The following POLR1D variants were observed in gnomAD, a reference collection of about 807,000 sequenced individuals.
The protein encoded by POLR1D is DNA-directed RNA polymerases I and III subunit RPAC2.
A neutral mutation model predicts 10.8 loss-of-function variants in POLR1D; 8 were observed. The observed-to-expected ratio is 0.74, with a 90% CI of 0.43 to 1.33. The LOEUF is 1.33. Ranked by LOEUF, POLR1D falls within the 40% of genes most tolerant of loss-of-function variation. POLR1D has a pLI of 0.01. For missense variants in POLR1D, 152 were observed against 161.7 expected (o/e 0.94, Z 0.32); for synonymous variants, 54 against 57.2 (o/e 0.94, Z 0.25).
chr13:27,637,651 T>C (rs1274767316), intron 1 of POLR1D, among the ~76,000 whole-genome samples: 3 of 152,212 alleles, frequency 2.0e-5, no homozygotes, highest in Admixed American at 2.0e-4. Flanking sequence ...TTAACTAAGT[T>C]TTTAAAATTG....
At chr13:27,631,195 G>A (rs569424250) in intron 1 of POLR1D, among the ~76,000 whole-genome samples, 1 of 152,272 alleles carries the variant, frequency 6.6e-6, no homozygotes, top group South Asian at 2.1e-4. Flanking sequence ...TTGACTCAGG[G>A]TCTCTGACAA....
rs1365436145 is a variant in POLR1D at position 27,652,907 on chromosome 13, A to ACTTCTTT, written c.101+4454_101+4455insCTTCTTT. On this transcript the variant is annotated intron_variant, in intron 2 of 2. Transcript: ENST00000399697. ...AAACTTGCCAGAAGTTGCATTTACC[A>ACTTCTTT]TTTCTTTTTTTTTTTTTTTTTTTTT... Among the ~76,000 whole-genome samples, 103 of 78,490 alleles carry ACTTCTTT rather than the reference A, an allele frequency of 1.3e-3. 11 individuals carry two copies. The highest frequency in any genetic ancestry group is 5.2e-3 in the African/African-American group (86 of 16,676). The allele number at this position is 78,490 out of a possible 152,430, so 51.5% of individuals were successfully genotyped here.
intron 1 of POLR1D, chr13:27,648,247 T>A (rs980866362): frequency 2.2e-5 from 14 of 623,142 alleles, no homozygotes; most frequent in African/African-American, 2.0e-4. Context: ...GTCAACCATT[T>A]AAAAAAAAAT....
rs1955932212 is a variant in POLR1D at position 27,621,897 on chromosome 13, C to T, written c.-87C>T. ...CGCGCCTTCCGTCGGTCGGTCCTTG[C>T]TTCCTGCTTCGCCTCCGCGCCTCGC... is the stretch of plus-strand genomic sequence containing the variant. On this transcript the variant is annotated 5_prime_UTR_variant, in exon 1 of 2. Transcript: ENST00000302979. 4 of 1,431,898 alleles carry T rather than the reference C, an allele frequency of 2.8e-6. No individual in the cohort carries two copies. Among genetic ancestry groups the T allele is most frequent in the Non-Finnish European group, 1.9e-6 (2 of 1,036,876 alleles). The allele number at this position is 1,431,898 out of a possible 1,614,324, so 88.7% of individuals were successfully genotyped here.
intron 2 of POLR1D, chr13:27,648,471 T>C: frequency 1.3e-6 from 2 of 1,560,786 alleles, no homozygotes; most frequent in Non-Finnish European, 1.8e-6. Flanking sequence ...CTTTGAGTAA[T>C]CTTCCTTAAA....
At chr13:27,636,301 G>A (rs1299631856) in intron 1 of POLR1D, among the ~76,000 whole-genome samples, 1 of 152,076 alleles carries the variant, frequency 6.6e-6, no homozygotes, top group Admixed American at 6.5e-5. Context: ...ATATTATTTA[G>A]TGTTAGGCAA....
intron 2 of POLR1D, chr13:27,660,708 C>T (rs1001408670): frequency 2.0e-5 from 3 of 152,316 alleles, no homozygotes; most frequent in African/African-American, 7.2e-5. Flanking sequence ...TTCTTGACTG[C>T]TCTGTTAATT....
chr13:27,665,256 C>T (rs1956404004), intron 2 of POLR1D: 2 of 186,680 alleles, frequency 1.1e-5, no homozygotes, highest in Non-Finnish European at 2.3e-5. Context: ...GCAGAATATA[C>T]TTTTTAGTTT....
At chr13:27,633,810 T>G (rs987465792) in intron 1 of POLR1D, among the ~76,000 whole-genome samples, 3 of 152,230 alleles carry the variant, frequency 2.0e-5, no homozygotes, top group Admixed American at 2.0e-4. Context: ...AGTTGCTGCT[T>G]TGTTCTGCAT....
rs930382583 is a variant in POLR1D at position 27,665,623 on chromosome 13, G to T, written c.102-63G>T. 4 of 1,455,466 alleles carry T rather than the reference G, an allele frequency of 2.7e-6. No individual in the cohort carries two copies. The African/African-American group carries it at 5.6e-5, about 20-fold the overall frequency. 90.2% of individuals were successfully genotyped at this position (1,455,466 alleles called of 1,614,324 possible). A position where few individuals can be genotyped will look rare whatever the true frequency, so the allele number is the denominator to read the frequency against. Reference sequence around the variant, plus strand: ...TTCTTTGGTACTAATCACGATAGTGGGTCCAGCTTTGGAGTTAACCATTTG... The same window carrying T: ...TTCTTTGGTACTAATCACGATAGTGTGTCCAGCTTTGGAGTTAACCATTTG... On this transcript the variant is annotated intron_variant, in intron 2 of 2. Transcript: ENST00000399697.
At chr13:27,644,266 C>A (rs1350327154) in intron 1 of POLR1D, among the ~76,000 whole-genome samples, 1 of 152,138 alleles carries the variant, frequency 6.6e-6, no homozygotes, top group African/African-American at 2.4e-5. Flanking sequence ...TCTTGCTACC[C>A]CTTCTGTACA....
chr13:27,667,089 G>A (rs1738775496), exon 3 of POLR1D: 1 of 152,116 alleles, frequency 6.6e-6, no homozygotes, highest in African/African-American at 2.4e-5. Flanking sequence ...TTAGAAACTA[G>A]AATAGACCTC....
intron 2 of POLR1D, among the ~76,000 whole-genome samples, chr13:27,664,184 G>C (rs547342342): frequency 7.9e-5 from 12 of 152,330 alleles, no homozygotes; most frequent in Non-Finnish European, 1.6e-4. Flanking sequence ...CCTAATGCCA[G>C]CGTGCCCCCA....
At chr13:27,625,715 A>T (rs1469402840), downstream of POLR1D, among the ~76,000 whole-genome samples, 1 of 152,100 alleles carries the variant, frequency 6.6e-6, no homozygotes, top group Non-Finnish European at 1.5e-5. Flanking sequence ...AGCCCTAGGC[A>T]ACTTCAGTAT....
chr13:27,625,884 A>G (rs1956003930), downstream of POLR1D, among the ~76,000 whole-genome samples: 1 of 152,210 alleles, frequency 6.6e-6, no homozygotes, highest in Non-Finnish European at 1.5e-5. Context: ...ACTAGGCAGT[A>G]ACAGCATTAG....
At chr13:27,632,177 C>G (rs1270383740) in intron 1 of POLR1D, among the ~76,000 whole-genome samples, 6 of 152,196 alleles carry the variant, frequency 3.9e-5, no homozygotes, top group Admixed American at 3.9e-4. Flanking sequence ...TAGAATATCT[C>G]CCACTTGAAG....
At chr13:27,638,697 GA>G (rs1415464935) in intron 1 of POLR1D, among the ~76,000 whole-genome samples, 1 of 152,168 alleles carries the variant, frequency 6.6e-6, no homozygotes, top group African/African-American at 2.4e-5. Context: ...ACTTTCTGCT[GA>G]ATAGGCCATC....
chr13:27,648,552 A>G (rs1450028570), intron 2 of POLR1D: 1 of 734,504 alleles, frequency 1.4e-6, no homozygotes, highest in Non-Finnish European at 2.4e-6. Context: ...ATGGGAAACC[A>G]TGGAAGCAGA....
At chr13:27,645,207 T>C (rs1370599081) in intron 1 of POLR1D, among the ~76,000 whole-genome samples, 1 of 152,224 alleles carries the variant, frequency 6.6e-6, no homozygotes, top group Non-Finnish European at 1.5e-5. Context: ...AGTATCAGCC[T>C]ATCCCCCAGT....
Sources: allele counts gnomAD v4.1 joint callset (sites outside exome capture counted in the v4.1 genomes callset), GRCh38; gene constraint gnomAD v4.1.1; transcripts MANE v1.5; gene names NCBI Gene and HGNC (gene_info 2026-07-23, HGNC 2026-07-21).